Variants in MICAL3 observed in about 807,000 individuals in gnomAD.
MICAL3 encodes microtubule associated monooxygenase, calponin and LIM domain containing 3.
A neutral mutation model predicts 207.4 loss-of-function variants in MICAL3; 62 were observed. That is an observed-to-expected ratio of 0.30 (90% CI 0.24 to 0.37). The LOEUF is 0.37. Ranked by LOEUF, MICAL3 falls within the 10% of genes least tolerant of loss-of-function variation. MICAL3 has a pLI of 1.00. For missense variants in MICAL3, 2,368 were observed against 2,635.6 expected, an observed-to-expected ratio of 0.90 and a Z score of 2.22; for synonymous variants, 1,077 against 1,069.3, an observed-to-expected ratio of 1.01 and a Z score of -0.14.
chr22:17,966,902 A>G (rs1935168385), intron 1 of MICAL3, among the ~76,000 whole-genome samples: 1 of 152,234 alleles, frequency 6.6e-6, no homozygotes, highest in South Asian at 2.1e-4. Flanking sequence ...GAACTAGACA[A>G]AGGAAGAAAA....
chr22:17,878,931 G>A (rs184770686), intron 16 of MICAL3, among the ~76,000 whole-genome samples: 43 of 152,244 alleles, frequency 2.8e-4, no homozygotes, highest in African/African-American at 9.4e-4. Context: ...TTCAAGATCC[G>A]TGACTGCTGA....
In MICAL3 at chr22:17,823,040, G is replaced by A; in HGVS notation, c.3214C>T (p.Leu1072=). The part of the protein sequence containing the change: ...ASGAPLDEND[L]EEDVDSEPAE... ...GGTTCTGAGTCCACATCTTCCTCTAGGTCATTCTCATCCAATGGGGCTGCA... is the reference window on the plus strand; with the variant it reads ...GGTTCTGAGTCCACATCTTCCTCTAAGTCATTCTCATCCAATGGGGCTGCA... Residue 1072 remains leucine (L), a synonymous_variant, in exon 23 of 32, where the codon CTA becomes TTA. Coordinates refer to ENST00000441493, the MANE Select transcript of MICAL3 (RefSeq NM_015241.3). 1.2e-6 allele frequency: 2 copies of A among 1,612,842 alleles called. No homozygotes were observed. Among genetic ancestry groups the A allele is most frequent in the Non-Finnish European group, 8.5e-7 (1 of 1,178,920 alleles).
intron 13 of MICAL3, among the ~76,000 whole-genome samples, chr22:17,888,095 A>G (rs1193441826): frequency 1.3e-5 from 2 of 152,208 alleles, no homozygotes; most frequent in African/African-American, 4.8e-5. Flanking sequence ...GTAAATCACT[A>G]ACATTTATTA....
At chr22:18,018,902 G>A (rs1171218465) in intron 1 of MICAL3, among the ~76,000 whole-genome samples, 3 of 151,722 alleles carry the variant, frequency 2.0e-5, no homozygotes, top group Non-Finnish European at 2.9e-5. Flanking sequence ...TTTTAAAATG[G>A]CCCACCTGGC....
At chr22:17,938,798 AG>A (rs1933672646) in intron 1 of MICAL3, among the ~76,000 whole-genome samples, 1 of 152,188 alleles carries the variant, frequency 6.6e-6, no homozygotes, top group South Asian at 2.1e-4. Context: ...CAGCACGTGC[AG>A]CAAAAACCAT....
chr22:17,917,121 C>A (rs1304800332), intron 1 of MICAL3, among the ~76,000 whole-genome samples: 1 of 152,062 alleles, frequency 6.6e-6, no homozygotes, highest in Non-Finnish European at 1.5e-5. Context: ...AAAGCTGTGC[C>A]CTGGAGGATC....
rs762286022 is a variant in MICAL3, at chr22:17,899,461, C to T, written c.935G>A (p.Gly312Glu). 113 of 1,604,888 alleles carry T rather than the reference C, an allele frequency of 7.0e-5. No individual in the cohort carries two copies. Among genetic ancestry groups the T allele is most frequent in the Middle Eastern group, 3.3e-4 (2 of 6,074 alleles). Reference sequence around the variant, plus strand: ...TCCGTGGCTCACATGTAGTATCACTCCTTTGTCCAGCAAACTCTGCTTTTT... The same window carrying T: ...TCCGTGGCTCACATGTAGTATCACTTCTTTGTCCAGCAAACTCTGCTTTTT... ...TAKKQSLLDK[G>E]VILHDYADTE... is the part of the protein sequence containing the mutation. Residue 312 changes from glycine (G) to glutamate (E), a missense_variant, in exon 7 of 32, where the codon GGA (glycine) becomes GAA (glutamate). Physicochemically the swap from Gly to Glu is moderately conservative, Grantham distance 98. Around this residue, in one of 4 missense-constraint regions of MICAL3, gnomAD observed 400 missense variants for 547.0 expected, o/e 0.73. Transcript: ENST00000441493.
intron 11 of MICAL3, among the ~76,000 whole-genome samples, chr22:17,893,333 A>G (rs923429971): frequency 2.0e-5 from 3 of 152,156 alleles, no homozygotes; most frequent in African/African-American, 7.2e-5. Flanking sequence ...CTCTTTCAAA[A>G]AAGTATTCAG....
At chr22:17,968,966 T>C (rs117282008) in intron 1 of MICAL3, among the ~76,000 whole-genome samples, 2,325 of 152,242 alleles carry the variant, frequency 0.015, 23 homozygotes, top group Middle Eastern at 0.034. Flanking sequence ...TAAACAAAAT[T>C]ATCCCCCAAC....
Position 17,912,443 on chromosome 22 carries a change from C to G in MICAL3, c.-74-5557G>C, listed in dbSNP as rs186406761. On this transcript the variant is annotated intron_variant, in intron 1 of 31. Coordinates refer to ENST00000441493, the MANE Select transcript of MICAL3 (RefSeq NM_015241.3). ...TGTATTGTTTGGGTAATTGTGACAT[C>G]TTAACAATAGTAAGTCTTCCAACCC... Among the ~76,000 whole-genome samples the G allele has an allele frequency of 2.5e-4, 38 of 151,208 alleles. 1 individual carries two copies. In the East Asian group the frequency reaches 5.6e-3, roughly 22 times the overall value.
chr22:18,023,189 A>G (rs1160875341), intron 1 of MICAL3, among the ~76,000 whole-genome samples: 2 of 142,606 alleles, frequency 1.4e-5, no homozygotes, highest in Non-Finnish European at 3.0e-5. Flanking sequence ...GGGAAGTTAA[A>G]AAAAAAAAAT....
intron 5 of MICAL3, 33 bp downstream of exon 5, chr22:17,901,845 C>A (rs1931346532): frequency 6.4e-7 from 1 of 1,556,442 alleles, no homozygotes; most frequent in Non-Finnish European, 8.9e-7. Context: ...TTTCCCTCTG[C>A]TATGAGCCAG....
chr22:17,798,673 CTTTTTT>C (rs375673869), intron 29 of MICAL3, among the ~76,000 whole-genome samples: 1 of 130,680 alleles, frequency 7.7e-6, no homozygotes, highest in African/African-American at 3.0e-5. Flanking sequence ...GGAGCAATGC[CTTTTTT>C]TTTTTTTTTT....
chr22:17,937,386 G>A (rs943721440), intron 1 of MICAL3, among the ~76,000 whole-genome samples: 1 of 152,124 alleles, frequency 6.6e-6, no homozygotes, highest in Non-Finnish European at 1.5e-5. Flanking sequence ...AAGATGGGCC[G>A]GGCGTGGTGG....
At chr22:17,862,182 T>C (rs1031828254) in intron 19 of MICAL3, 82 of 985,076 alleles carry the variant, frequency 8.3e-5, no homozygotes, top group Non-Finnish European at 9.9e-5. Flanking sequence ...GTAGAGGCGG[T>C]TACCATGGGC....
intron 1 of MICAL3, among the ~76,000 whole-genome samples, chr22:17,989,077 G>A (rs1192311665): frequency 6.6e-6 from 1 of 152,098 alleles, no homozygotes; most frequent in Admixed American, 6.6e-5. Flanking sequence ...CCTAAAACTC[G>A]ACTTCCGCCG....
chr22:17,837,641 A>G (rs1410946238), intron 20 of MICAL3, among the ~76,000 whole-genome samples: 1 of 152,232 alleles, frequency 6.6e-6, no homozygotes, highest in Non-Finnish European at 1.5e-5. Context: ...TCCAGGAGAC[A>G]GGCCCCACCT....
chr22:17,964,981 C>T lies in MICAL3; in HGVS notation c.-74-58095G>A, dbSNP rs114128481. On this transcript the variant is annotated intron_variant, in intron 1 of 31. Coordinates refer to ENST00000441493, the MANE Select transcript of MICAL3 (RefSeq NM_015241.3). ...AAGCAAACACTCCAAAACAGAAACG[C>T]CATCGCTGAAAGGGCACAGAGCAGG... 6.8e-3 allele frequency among the ~76,000 whole-genome samples: 1,029 copies of T among 152,204 alleles called. 11 individuals are homozygous for T. Among genetic ancestry groups the T allele is most frequent in the African/African-American group, 0.024 (988 of 41,534 alleles).
chr22:18,019,805 GATTTTTTTTT>G, intron 1 of MICAL3: 2 of 127,878 alleles, frequency 1.6e-5, no homozygotes, highest in Non-Finnish European at 3.0e-5. Flanking sequence ...GAATGCTGCT[GATTTTTTTTT>G]TTTTTTTTTT....
Sources: gnomAD v4.1 joint callset for allele counts (sites outside exome capture counted in the v4.1 genomes callset) on GRCh38, gnomAD v4.1.1 for gene constraint, gnomAD v4.1.1 regional missense constraint, MANE v1.5 for transcripts, NCBI Gene and HGNC (gene_info 2026-07-23, HGNC 2026-07-21) for gene names.